Variants in SLC67A2 observed in about 807,000 individuals in gnomAD.
The protein encoded by SLC67A2 is solute carrier family 67 member 2.
the SLC67A2 span, chr2:102,726,902 G>T: frequency 6.2e-7 from 1 of 1,613,224 alleles, no homozygotes; most frequent in Non-Finnish European, 8.5e-7. Flanking sequence ...CCGAGAAGGA[G>T]ATAGCCCAGA....
chr2:102,721,503 A>G, the SLC67A2 span, among the ~76,000 whole-genome samples: 2 of 152,348 alleles, frequency 1.3e-5, no homozygotes, highest in South Asian at 2.1e-4. Flanking sequence ...AAGCTGCAGT[A>G]AAGTACAATA....
chr2:102,734,973 C>A, the SLC67A2 span, among the ~76,000 whole-genome samples: 3 of 152,190 alleles, frequency 2.0e-5, no homozygotes, highest in Non-Finnish European at 4.4e-5. Flanking sequence ...GGTAAGGGCT[C>A]AAATGTTTTC....
the SLC67A2 span, chr2:102,718,560 G>A: frequency 2.7e-5 from 43 of 1,613,100 alleles, no homozygotes; most frequent in Middle Eastern, 1.6e-4. Context: ...ACCCCCGAGA[G>A]GAGAGGGGCG....
the SLC67A2 span, chr2:102,723,699 C>A: frequency 1.2e-6 from 2 of 1,613,644 alleles, no homozygotes; most frequent in Non-Finnish European, 1.7e-6. Flanking sequence ...TGTCAACTTA[C>A]CAGCATTGAG....
At chr2:102,718,685 G>C in the SLC67A2 span, 3 of 1,614,032 alleles carry the variant, frequency 1.9e-6, no homozygotes, top group Non-Finnish European at 1.7e-6. Flanking sequence ...AATGGCAGTG[G>C]AGAAGGACAG....
At chr2:102,722,002 G>A in the SLC67A2 span, among the ~76,000 whole-genome samples, 7 of 152,292 alleles carry the variant, frequency 4.6e-5, no homozygotes, top group African/African-American at 7.2e-5. Flanking sequence ...CACTGCACCC[G>A]GCCCAATGTG....
the SLC67A2 span, among the ~76,000 whole-genome samples, chr2:102,730,841 G>A: frequency 6.6e-5 from 10 of 152,164 alleles, no homozygotes; most frequent in African/African-American, 1.4e-4. Context: ...GAGCCACCGC[G>A]CCCAGCCTAA....
At chr2:102,721,393 G>A in the SLC67A2 span, among the ~76,000 whole-genome samples, 1 of 152,140 alleles carries the variant, frequency 6.6e-6, no homozygotes, top group African/African-American at 2.4e-5. Flanking sequence ...TTTCTGTGAG[G>A]ACTGAGAATA....
chr2:102,721,096 C>T, the SLC67A2 span, among the ~76,000 whole-genome samples: 12 of 152,170 alleles, frequency 7.9e-5, no homozygotes, highest in African/African-American at 2.4e-4. Context: ...ACACTTGCAG[C>T]GGAATGTTTT....
chr2:102,727,326 A>G, the SLC67A2 span, among the ~76,000 whole-genome samples: 2 of 152,232 alleles, frequency 1.3e-5, no homozygotes, highest in South Asian at 4.1e-4. Context: ...GATACCATGT[A>G]CATTTTTAAA....
chr2:102,733,500 T>G, the SLC67A2 span, among the ~76,000 whole-genome samples: 1 of 152,206 alleles, frequency 6.6e-6, no homozygotes, highest in Non-Finnish European at 1.5e-5. Context: ...GATGACCCTG[T>G]TATCTAATAT....
the SLC67A2 span, among the ~76,000 whole-genome samples, chr2:102,720,026 G>T: frequency 5.3e-5 from 8 of 152,286 alleles, no homozygotes; most frequent in South Asian, 1.4e-3. Context: ...GCACATTCTT[G>T]CCTGTTGATC....
chr2:102,723,833 T>C, the SLC67A2 span: 26 of 1,614,078 alleles, frequency 1.6e-5, no homozygotes, highest in African/African-American at 3.5e-4. Flanking sequence ...AGTGTCCGAT[T>C]ACAAGCGGCC....
At chr2:102,731,575 C>T in the SLC67A2 span, among the ~76,000 whole-genome samples, 2 of 151,882 alleles carry the variant, frequency 1.3e-5, no homozygotes, top group African/African-American at 4.8e-5. Context: ...TGCAATGTGC[C>T]CTATCTGATT....
chr2:102,718,508 GC>G, the SLC67A2 span: 1 of 1,614,020 alleles, frequency 6.2e-7, no homozygotes. Flanking sequence ...GGCTAACACA[GC>G]GCCCAGGCTG....
chr2:102,721,176 TC>T, the SLC67A2 span, among the ~76,000 whole-genome samples: 2 of 152,242 alleles, frequency 1.3e-5, no homozygotes, highest in Non-Finnish European at 2.9e-5. Context: ...TGTTGAAGGA[TC>T]CAAAATAGAA....
chr2:102,731,859 C>T, the SLC67A2 span, among the ~76,000 whole-genome samples: 3 of 152,226 alleles, frequency 2.0e-5, no homozygotes, highest in African/African-American at 7.2e-5. Flanking sequence ...CAGAGAAACT[C>T]TACAATATCT....
chr2:102,731,696 A>T, the SLC67A2 span, among the ~76,000 whole-genome samples: 1 of 152,174 alleles, frequency 6.6e-6, no homozygotes, highest in Non-Finnish European at 1.5e-5. Flanking sequence ...TATGTACAAG[A>T]CTGTCCACAA....
At chr2:102,721,123 C>G in the SLC67A2 span, among the ~76,000 whole-genome samples, 1 of 152,196 alleles carries the variant, frequency 6.6e-6, no homozygotes, top group East Asian at 1.9e-4. Context: ...TGCTTAGACC[C>G]ATTTATAGGC....
Sources: allele counts gnomAD v4.1 joint callset (sites outside exome capture counted in the v4.1 genomes callset), GRCh38; gene constraint gnomAD v4.1.1; transcripts MANE v1.5; gene names NCBI Gene and HGNC (gene_info 2026-07-23, HGNC 2026-07-21).